Variants in MAP3K13 observed in about 807,000 individuals in gnomAD.
MAP3K13 encodes leucine zipper-bearing kinase.
In MAP3K13, 52 loss-of-function variants were observed where a neutral mutation model predicts 104.0. That is an observed-to-expected ratio of 0.50 (90% CI 0.40 to 0.63). The LOEUF (loss-of-function observed/expected upper bound fraction) is 0.63, where lower values mean the gene tolerates loss of function less well. Ranked by LOEUF, MAP3K13 falls within the 20% of genes least tolerant of loss-of-function variation. MAP3K13 has a pLI of 0.00. For missense variants in MAP3K13, 914 were observed against 1,218.5 expected, an observed-to-expected ratio of 0.75 and a Z score of 3.72; for synonymous variants, 394 against 442.2, an observed-to-expected ratio of 0.89 and a Z score of 1.37.
intron 2 of MAP3K13, among the ~76,000 whole-genome samples, chr3:185,298,175 A>AT (rs1258295638): frequency 1.3e-5 from 2 of 152,068 alleles, no homozygotes; most frequent in African/African-American, 4.8e-5. Flanking sequence ...TTCTTATTTG[A>AT]TTTTTTTCTT....
In MAP3K13 at chr3:185,484,833, T is replaced by C. The variant is rs1480698294; in HGVS notation, c.*2377T>C. 6.6e-6 allele frequency: 1 copy of C among 152,212 alleles called. No individual in the cohort carries two copies. The highest frequency in any genetic ancestry group is 2.4e-5 in the African/African-American group (1 of 41,454). 9.4% of individuals were successfully genotyped at this position (152,212 alleles called of 1,614,324 possible). On this transcript the variant is annotated 3_prime_UTR_variant, in exon 14 of 14. Transcript: ENST00000265026. Reference sequence around the variant, plus strand: ...ATTTTCTGTCGATCAGAAGGTGTGATTTATGATGTGGCACAATGGTTGTGT... The same window carrying C: ...ATTTTCTGTCGATCAGAAGGTGTGACTTATGATGTGGCACAATGGTTGTGT...
intron 2 of MAP3K13, among the ~76,000 whole-genome samples, chr3:185,349,554 G>A (rs1723062865): frequency 1.3e-5 from 2 of 152,124 alleles, no homozygotes; most frequent in African/African-American, 2.4e-5. Context: ...AACTGAAGAT[G>A]GTCTGGAGTG....
At chr3:185,438,135 A>AC (rs1715143471) in intron 3 of MAP3K13, among the ~76,000 whole-genome samples, 1 of 152,050 alleles carries the variant, frequency 6.6e-6, no homozygotes, top group African/African-American at 2.4e-5. Flanking sequence ...TGTAAAAAAA[A>AC]ATTTTTTTTA....
chr3:185,450,197 C>A lies in MAP3K13; in HGVS notation c.1169+139C>A, dbSNP rs1715806223. On this transcript the variant is annotated intron_variant, in intron 6 of 13. Coordinates refer to ENST00000265026, the MANE Select transcript of MAP3K13 (RefSeq NM_004721.5). This position sits in a 1 kb window ranked among gnomAD's most constrained non-coding sequence, Gnocchi z 4.2. ...CTAGCTCTGCCCCTTTCTATCTGTG[C>A]AATTTTGGGCACGTTATTCAATATC... 4 of 631,070 alleles carry A rather than the reference C, an allele frequency of 6.3e-6. No individual in the cohort carries two copies. The East Asian group carries it at 9.7e-5, about 15-fold the overall frequency. 39.1% of individuals were successfully genotyped at this position (631,070 alleles called of 1,614,324 possible).
intron 1 of MAP3K13, among the ~76,000 whole-genome samples, chr3:185,422,427 A>G (rs1434511760): frequency 6.6e-6 from 1 of 152,216 alleles, no homozygotes. Context: ...GATCTCTTAA[A>G]TATCAAACGC....
In MAP3K13 at chr3:185,437,551, A is replaced by G. The variant is rs1715108430; in HGVS notation, c.580A>G (p.Ile194Val). 6.2e-7 allele frequency: 1 copy of G among 1,614,036 alleles called. No individual in the cohort carries two copies. Among genetic ancestry groups the G allele is most frequent in the Non-Finnish European group, 8.5e-7 (1 of 1,179,990 alleles). ...LGKFRAEEVA[I>V]KKVREQNETD... ...CAAGTTCCGGGCGGAAGAGGTGGCCATCAAGAAAGTGAGAGAACAGAATGA... is the reference window on the plus strand; with the variant it reads ...CAAGTTCCGGGCGGAAGAGGTGGCCGTCAAGAAAGTGAGAGAACAGAATGA... Residue 194 changes from isoleucine to valine, a missense_variant, in exon 3 of 14, where the codon ATC (isoleucine) becomes GTC (valine). By Grantham distance (29) the Ile-to-Val change is conservative (BLOSUM62 3). Transcript: ENST00000265026.
intron 2 of MAP3K13, among the ~76,000 whole-genome samples, chr3:185,357,447 T>TAAAAAAAAAAAAAAA (rs71162295): frequency 2.7e-4 from 25 of 91,364 alleles, no homozygotes; most frequent in East Asian, 5.6e-4. Context: ...AAACTCCATC[T>TAAAAAAAAAAAAAAA]AAAAAAAAAA....
chr3:185,448,845 A>G (rs1381488294), intron 5 of MAP3K13, among the ~76,000 whole-genome samples: 1 of 152,230 alleles, frequency 6.6e-6, no homozygotes, highest in Non-Finnish European at 1.5e-5. Flanking sequence ...TATGTGTTAC[A>G]GCCATCGTAT....
chr3:185,424,574 G>A (rs1714310237), intron 1 of MAP3K13, among the ~76,000 whole-genome samples: 1 of 152,172 alleles, frequency 6.6e-6, no homozygotes, highest in African/African-American at 2.4e-5. Flanking sequence ...TTGCAAGCAA[G>A]TTGTTAAACT....
chr3:185,445,653 C>A (rs779990398), intron 4 of MAP3K13, among the ~76,000 whole-genome samples: 5 of 152,162 alleles, frequency 3.3e-5, no homozygotes, highest in African/African-American at 1.2e-4. Context: ...ACACTCCCAA[C>A]CCCAGCAGCG....
intron 1 of MAP3K13, among the ~76,000 whole-genome samples, chr3:185,404,507 G>A (rs533057535): frequency 1.6e-4 from 25 of 152,262 alleles, no homozygotes; most frequent in Non-Finnish European, 3.1e-4. Flanking sequence ...TAAAAGTTGG[G>A]GTTGGCAATC....
intron 2 of MAP3K13, among the ~76,000 whole-genome samples, chr3:185,435,650 G>T (rs1408067008): frequency 6.6e-6 from 1 of 152,110 alleles, no homozygotes; most frequent in Non-Finnish European, 1.5e-5. Context: ...CATATCAGGA[G>T]AACGGGATGA....
intron 1 of MAP3K13, among the ~76,000 whole-genome samples, chr3:185,365,773 G>A (rs1723842423): frequency 6.6e-6 from 1 of 151,066 alleles, no homozygotes; most frequent in Non-Finnish European, 1.5e-5. Flanking sequence ...AATCTAGAAA[G>A]GAAAATGCCG....
At chr3:185,341,928 C>T (rs1722736916) in intron 2 of MAP3K13, among the ~76,000 whole-genome samples, 1 of 152,220 alleles carries the variant, frequency 6.6e-6, no homozygotes, top group Non-Finnish European at 1.5e-5. Context: ...CTATCTAGCA[C>T]TTTAAGAAAA....
chr3:185,372,564 G>A (rs1020476425), intron 1 of MAP3K13, among the ~76,000 whole-genome samples: 3 of 152,120 alleles, frequency 2.0e-5, no homozygotes, highest in South Asian at 2.1e-4. Context: ...ACATTGAAAA[G>A]TACTCACTCA....
chr3:185,329,273 A>G (rs938022572), intron 2 of MAP3K13: 4 of 702,862 alleles, frequency 5.7e-6, no homozygotes, highest in African/African-American at 1.7e-5. Context: ...TAGTGCCGAG[A>G]GATTGTTTCT....
At chr3:185,336,087 TGG>T (rs1722489130) in intron 2 of MAP3K13, among the ~76,000 whole-genome samples, 1 of 151,992 alleles carries the variant, frequency 6.6e-6, no homozygotes, top group African/African-American at 2.4e-5. Flanking sequence ...TGAAGTTTTA[TGG>T]AATATGAGTT....
Position 185,383,638 on chromosome 3 carries a change from C to T in MAP3K13, c.-86+20270C>T, listed in dbSNP as rs537779794. Reference sequence around the variant, plus strand: ...TCTTGCCATGTAATTTCTGCACATACTGGTACCCCTTCACCATCTGCCATA... The same window carrying T: ...TCTTGCCATGTAATTTCTGCACATATTGGTACCCCTTCACCATCTGCCATA... On this transcript the variant is annotated intron_variant, in intron 1 of 13. Coordinates refer to ENST00000265026, the MANE Select transcript of MAP3K13 (RefSeq NM_004721.5). Among the ~76,000 whole-genome samples, 32 of 151,746 alleles carry T rather than the reference C, an allele frequency of 2.1e-4. No homozygotes were observed. In the South Asian group the frequency reaches 6.0e-3, roughly 29 times the overall value.
chr3:185,461,354 GAAAATCTAGCATAT>G, intron 7 of MAP3K13, among the ~76,000 whole-genome samples: 1 of 152,172 alleles, frequency 6.6e-6, no homozygotes, highest in South Asian at 2.1e-4. Context: ...CTATATGTGG[GAAAATCTAGCATAT>G]TATAGAATGA....
Sources: allele counts gnomAD v4.1 joint callset (sites outside exome capture counted in the v4.1 genomes callset), GRCh38; gene constraint gnomAD v4.1.1; non-coding constraint Gnocchi (gnomAD v3.1); transcripts MANE v1.5; gene names NCBI Gene and HGNC (gene_info 2026-07-23, HGNC 2026-07-21).